TG: variants seen among roughly 807,000 people sequenced by gnomAD.
The protein encoded by TG is thyroglobulin, also known as thyroid hormones.
In TG, 270 loss-of-function variants were observed where a neutral mutation model predicts 324.7. The observed-to-expected ratio is 0.83, with a 90% CI of 0.75 to 0.92. TG has a LOEUF of 0.92. Ranked by LOEUF, TG falls within the 40% of genes least tolerant of loss-of-function variation. The probability of loss-of-function intolerance (pLI) is 0.00; values close to 1 mark genes in which losing one functional copy is unlikely to be tolerated. For missense variants in TG, 3,591 were observed against 3,456.4 expected (o/e 1.04, Z -0.98); for synonymous variants, 1,401 against 1,327.0 (o/e 1.06, Z -1.21).
chr8:133,091,195 T>A (rs1847458874), intron 41 of TG, among the ~76,000 whole-genome samples: 1 of 152,254 alleles, frequency 6.6e-6, no homozygotes, highest in Non-Finnish European at 1.5e-5. Flanking sequence ...TGGGCACTGC[T>A]GCAAGGGCTT....
intron 41 of TG, among the ~76,000 whole-genome samples, chr8:133,078,871 C>T (rs988653852): frequency 4.6e-5 from 7 of 152,206 alleles, no homozygotes; most frequent in African/African-American, 1.2e-4. Context: ...TCCCTCCCTG[C>T]CCTCAAGGAG....
At chr8:132,924,954 C>A (rs1217443733) in intron 22 of TG, among the ~76,000 whole-genome samples, 2 of 152,228 alleles carry the variant, frequency 1.3e-5, no homozygotes, top group East Asian at 3.9e-4. Flanking sequence ...TCTTCTCAAT[C>A]TTTATGACTC....
chr8:133,067,287 A>G (rs919722643), intron 41 of TG, among the ~76,000 whole-genome samples: 3 of 152,008 alleles, frequency 2.0e-5, no homozygotes, highest in South Asian at 2.1e-4. Flanking sequence ...GGCCTGTTCT[A>G]CCTGCTCCCA....
chr8:133,096,490 A>G (rs1489435922), intron 43 of TG, 117 bp downstream of exon 43: 1 of 1,279,202 alleles, frequency 7.8e-7, no homozygotes. Context: ...ACTGTGTGCA[A>G]TGCCTATGTG....
intron 41 of TG, among the ~76,000 whole-genome samples, chr8:133,062,694 C>G (rs1273103096): frequency 6.6e-6 from 1 of 150,780 alleles, no homozygotes; most frequent in African/African-American, 2.4e-5. Context: ...GGAAGCATGC[C>G]TGTGACACGC....
chr8:132,943,994 T>C (rs764516556), intron 26 of TG, among the ~76,000 whole-genome samples: 4 of 152,332 alleles, frequency 2.6e-5, no homozygotes, highest in Non-Finnish European at 4.4e-5. Context: ...GTGACCTCTC[T>C]GCAGAGGTCG....
In TG at chr8:132,923,414, CA is replaced by C. The variant is rs971873834; in HGVS notation, c.4606del (p.Arg1536GlyfsTer31). 1.2e-6 allele frequency: 2 copies of C among 1,614,078 alleles called. No homozygotes were observed. The highest frequency in any genetic ancestry group is 1.7e-6 in the Non-Finnish European group (2 of 1,180,014). Reference protein sequence around the residue: ...NGQYRASQKDRGSGKAFCVDG... With the variant: ...NGQYRASQKDXGSGKAFCVDG... ...GCCAGTATCGAGCCAGCCAGAAGGA[CA>C]GGGGCAGTGGGAAGGCCTTCTGTGT... On this transcript the variant is annotated frameshift_variant, in exon 22 of 48. Coordinates refer to ENST00000220616, the MANE Select transcript of TG (RefSeq NM_003235.5). LOFTEE classifies it high-confidence loss of function.
chr8:132,969,570 G>A lies in TG; in HGVS notation c.5975+1G>A, dbSNP rs757080996. 1.3e-6 allele frequency: 2 copies of A among 1,567,700 alleles called. No homozygotes were observed. The highest frequency in any genetic ancestry group is 1.8e-6 in the Non-Finnish European group (2 of 1,137,912). ...TGTCTGAAAAATCTATTTCTAATGGGTAAGCTACTTGTGTCTCACCCCTAA... is the reference window on the plus strand; with the variant it reads ...TGTCTGAAAAATCTATTTCTAATGGATAAGCTACTTGTGTCTCACCCCTAA... On this transcript the variant is annotated splice_donor_variant, in intron 32 of 47. Coordinates refer to ENST00000220616, the MANE Select transcript of TG (RefSeq NM_003235.5). LOFTEE classifies it high-confidence loss of function.
intron 35 of TG, among the ~76,000 whole-genome samples, chr8:133,003,977 A>G (rs773903269): frequency 1.3e-5 from 2 of 152,270 alleles, no homozygotes; most frequent in Non-Finnish European, 2.9e-5. Context: ...ATCTCAATGA[A>G]GTACCATTAG....
At chr8:132,956,440 C>G (rs183831611) in intron 27 of TG, among the ~76,000 whole-genome samples, 1 of 152,262 alleles carries the variant, frequency 6.6e-6, no homozygotes, top group East Asian at 1.9e-4. Flanking sequence ...ACTGCAAACT[C>G]AGAGGACGGG....
intron 45 of TG, 83 bp from the exon 46 acceptor site, chr8:133,131,729 A>G: frequency 3.8e-6 from 6 of 1,583,230 alleles, no homozygotes; most frequent in Non-Finnish European, 5.2e-6. Context: ...TTTTGGAAGA[A>G]ATATTTTTGT....
chr8:133,008,776 T>C (rs1834241969), intron 35 of TG, among the ~76,000 whole-genome samples: 1 of 152,234 alleles, frequency 6.6e-6, no homozygotes, highest in Non-Finnish European at 1.5e-5. Flanking sequence ...TCTGTAAACT[T>C]GGACAGTGAC....
At chr8:133,043,026 T>C (rs1651355180) in intron 41 of TG, among the ~76,000 whole-genome samples, 1 of 152,042 alleles carries the variant, frequency 6.6e-6, no homozygotes, top group African/African-American at 2.4e-5. Context: ...CCAGTGGAGA[T>C]AAAAGTGGCC....
intron 16 of TG, among the ~76,000 whole-genome samples, chr8:132,903,434 A>T (rs963458820): frequency 6.6e-6 from 1 of 152,218 alleles, no homozygotes; most frequent in Non-Finnish European, 1.5e-5. Flanking sequence ...AGTGGTGGGA[A>T]CAGCCAGCAT....
intron 24 of TG, among the ~76,000 whole-genome samples, chr8:132,935,391 G>A (rs1163043884): frequency 3.3e-5 from 5 of 151,732 alleles, no homozygotes; most frequent in African/African-American, 4.8e-5. Flanking sequence ...TGATCCACCC[G>A]CCTCGGCCTC....
chr8:132,974,087 G>A (rs1353027346), intron 34 of TG, among the ~76,000 whole-genome samples: 1 of 148,388 alleles, frequency 6.7e-6, no homozygotes, highest in Non-Finnish European at 1.5e-5. Flanking sequence ...TCCACCTCCT[G>A]GGTTCAAGCA....
chr8:133,017,738 T>C, intron 37 of TG, 40 bp from the exon 38 acceptor site: 1 of 1,593,642 alleles, frequency 6.3e-7, no homozygotes, highest in Non-Finnish European at 8.6e-7. Flanking sequence ...CACTGAGGCC[T>C]CTCCCCTTCC....
In TG at chr8:132,915,064, G is replaced by A. The variant is rs189725381; in HGVS notation, c.4378+1799G>A. 3.1e-4 allele frequency among the ~76,000 whole-genome samples: 47 copies of A among 152,182 alleles called. No homozygotes were observed. In the East Asian group the frequency reaches 8.3e-3, roughly 27 times the overall value. ...TGTGAGTGTGTTTGTGTTTTTGTCC[G>A]TACGCATGTGTGTGATGTGTCTATG... is the stretch of plus-strand genomic sequence containing the variant. On this transcript the variant is annotated intron_variant, in intron 20 of 47. Transcript: ENST00000220616.
At chr8:133,073,919 G>A (rs2131459292) in intron 41 of TG, among the ~76,000 whole-genome samples, 1 of 152,144 alleles carries the variant, frequency 6.6e-6, no homozygotes, top group East Asian at 1.9e-4. Flanking sequence ...ATTGTTCTGA[G>A]GATTGCAGAA....
Sources: allele counts gnomAD v4.1 joint callset (sites outside exome capture counted in the v4.1 genomes callset), GRCh38; gene constraint gnomAD v4.1.1; transcripts MANE v1.5; gene names NCBI Gene and HGNC (gene_info 2026-07-23, HGNC 2026-07-21).